Variants in EPHA3 observed in about 807,000 individuals in gnomAD.
The protein encoded by EPHA3 is EPH receptor A3.
EPHA3 carries 42 observed loss-of-function variants against 107.1 expected under a neutral mutation model. The ratio of observed to expected loss-of-function variants is 0.39; its 90% CI spans 0.31 to 0.51. EPHA3 has a LOEUF of 0.51. EPHA3 is among the 20% of genes least tolerant of loss of function. EPHA3 has a pLI of 0.78. For missense variants in EPHA3, 1,183 were observed against 1,211.2 expected (o/e 0.98, Z 0.35); for synonymous variants, 461 against 424.8 (o/e 1.09, Z -1.05).
At chr3:89,128,821 TAAAGAAG>T (rs1704143973) in intron 2 of EPHA3, among the ~76,000 whole-genome samples, 2 of 152,132 alleles carry the variant, frequency 1.3e-5, no homozygotes, top group African/African-American at 4.8e-5. Context: ...TGTTTTCCTT[TAAAGAAG>T]GTATAATGGT....
At chr3:89,304,449 C>A (rs993595063) in intron 3 of EPHA3, among the ~76,000 whole-genome samples, 1 of 151,860 alleles carries the variant, frequency 6.6e-6, no homozygotes, top group East Asian at 1.9e-4. Context: ...ACTCGTTACT[C>A]ACCCCATCAG....
Position 89,429,157 on chromosome 3 carries a change from G to A in EPHA3, c.2126G>A (p.Ser709Asn). The change falls in exon 12 of 17, where the codon AGT (serine) becomes AAT (asparagine). Residue 709 changes from serine (S) to asparagine (N), a missense_variant. By Grantham distance (46) the Ser-to-Asn change is conservative. Coordinates refer to ENST00000336596, the MANE Select transcript of EPHA3 (RefSeq NM_005233.6). ...TEYMENGSLDSFLRKHDAQFT... is the reference protein window; with the variant it reads ...TEYMENGSLDNFLRKHDAQFT... ...TACATGGAGAATGGTTCCTTGGATA[G>A]TTTCCTACGTGTAAGTAAGATGCAC... is the stretch of plus-strand genomic sequence containing the variant. 1 of 1,610,566 alleles carries A rather than the reference G, an allele frequency of 6.2e-7. No homozygotes were observed. Among genetic ancestry groups the A allele is most frequent in the Non-Finnish European group, 8.5e-7 (1 of 1,177,556 alleles).
intron 3 of EPHA3, among the ~76,000 whole-genome samples, chr3:89,219,781 T>C (rs886528701): frequency 3.2e-5 from 4 of 125,894 alleles, no homozygotes; most frequent in Non-Finnish European, 6.6e-5. Context: ...GGATCTCGGC[T>C]CACTGCAAGC....
intron 3 of EPHA3, among the ~76,000 whole-genome samples, chr3:89,336,100 G>C (rs1707386048): frequency 6.6e-6 from 1 of 151,958 alleles, no homozygotes; most frequent in African/African-American, 2.4e-5. Flanking sequence ...TCTCTAATAA[G>C]TTGACTGGGA....
chr3:89,178,042 A>G (rs562534720), intron 2 of EPHA3, among the ~76,000 whole-genome samples: 11 of 152,190 alleles, frequency 7.2e-5, no homozygotes, highest in Non-Finnish European at 1.5e-4. Context: ...AACTAAATTC[A>G]TATCTATTTG....
In EPHA3 at chr3:89,395,821, C is replaced by T. The variant is rs752150171; in HGVS notation, c.1307-16C>T. 1.9e-6 allele frequency: 3 copies of T among 1,612,796 alleles called. No homozygotes were observed. The highest frequency in any genetic ancestry group is 2.5e-6 in the Non-Finnish European group (3 of 1,179,358). On this transcript the variant is annotated splice_polypyrimidine_tract_variant and intron_variant, in intron 5 of 16. Coordinates refer to ENST00000336596, the MANE Select transcript of EPHA3 (RefSeq NM_005233.6). ...TTTGCTTCCTTCCACCTTCCCCTCCCATCCTCTCTTTACAGCTCCATCACC... is the reference window on the plus strand; with the variant it reads ...TTTGCTTCCTTCCACCTTCCCCTCCTATCCTCTCTTTACAGCTCCATCACC...
chr3:89,159,482 T>C (rs1288788475), intron 2 of EPHA3, among the ~76,000 whole-genome samples: 2 of 152,120 alleles, frequency 1.3e-5, no homozygotes, highest in African/African-American at 2.4e-5. Context: ...TATGGTCTCA[T>C]TGACACCACG....
chr3:89,137,923 C>G (rs1274797891), intron 2 of EPHA3, among the ~76,000 whole-genome samples: 1 of 151,816 alleles, frequency 6.6e-6, no homozygotes, highest in Non-Finnish European at 1.5e-5. Flanking sequence ...ATTCTGGGCC[C>G]CAATCATGAC....
intron 3 of EPHA3, among the ~76,000 whole-genome samples, chr3:89,222,414 CAT>C (rs1291923646): frequency 6.8e-6 from 1 of 147,352 alleles, no homozygotes; most frequent in Non-Finnish European, 1.5e-5. Flanking sequence ...TGTACACACA[CAT>C]GCATGTAAAT....
intron 3 of EPHA3, among the ~76,000 whole-genome samples, chr3:89,283,304 CAG>C (rs772301285): frequency 2.6e-5 from 4 of 151,966 alleles, no homozygotes; most frequent in Non-Finnish European, 5.9e-5. Context: ...CTTCCTGAAA[CAG>C]AGGAAAAACA....
At chr3:89,263,343 G>A (rs1705466203) in intron 3 of EPHA3, among the ~76,000 whole-genome samples, 1 of 152,066 alleles carries the variant, frequency 6.6e-6, no homozygotes, top group Non-Finnish European at 1.5e-5. Flanking sequence ...GCCTTTTTGC[G>A]TGAGGAGGCT....
At chr3:89,411,412 G>T (rs1709152206) in intron 9 of EPHA3, among the ~76,000 whole-genome samples, 1 of 151,800 alleles carries the variant, frequency 6.6e-6, no homozygotes, top group South Asian at 2.1e-4. Flanking sequence ...TCAGCACCAG[G>T]CAGAAGTAGG....
intron 2 of EPHA3, among the ~76,000 whole-genome samples, chr3:89,136,421 T>A (rs558957795): frequency 2.6e-4 from 34 of 130,194 alleles, no homozygotes; most frequent in African/African-American, 9.8e-4. Flanking sequence ...GTGCTAGAAA[T>A]CAGATAAGAT....
intron 2 of EPHA3, among the ~76,000 whole-genome samples, chr3:89,143,018 GA>G (rs1559750446): frequency 6.6e-6 from 1 of 150,720 alleles, no homozygotes; most frequent in Non-Finnish European, 1.5e-5. Context: ...TAATATGAAA[GA>G]ATCTAAATAT....
At chr3:89,119,811 T>G (rs1262792740) in intron 1 of EPHA3, among the ~76,000 whole-genome samples, 1 of 152,154 alleles carries the variant, frequency 6.6e-6, no homozygotes, top group Admixed American at 6.5e-5. Flanking sequence ...AGGATGTTTT[T>G]AAATTTAAAC....
At chr3:89,346,771 A>T (rs1707668042) in intron 5 of EPHA3, among the ~76,000 whole-genome samples, 1 of 146,392 alleles carries the variant, frequency 6.8e-6, no homozygotes, top group South Asian at 2.1e-4. Context: ...TAAGTCTTTA[A>T]TCCATCTTGA....
At chr3:89,392,322 C>G (rs776911658) in intron 5 of EPHA3, among the ~76,000 whole-genome samples, 1 of 151,982 alleles carries the variant, frequency 6.6e-6, no homozygotes, top group African/African-American at 2.4e-5. Context: ...ATCTGTAATC[C>G]CAGCTACTTG....
At chr3:89,353,294 G>A (rs1353426737) in intron 5 of EPHA3, among the ~76,000 whole-genome samples, 1 of 151,292 alleles carries the variant, frequency 6.6e-6, no homozygotes, top group Non-Finnish European at 1.5e-5. Flanking sequence ...CATGAAGGTA[G>A]ACATTTTTCA....
chr3:89,130,775 C>T (rs1415746695), intron 2 of EPHA3, among the ~76,000 whole-genome samples: 1 of 152,152 alleles, frequency 6.6e-6, no homozygotes, highest in Non-Finnish European at 1.5e-5. Context: ...GTTGGGACTA[C>T]AGGCGCCCGC....
Sources: allele counts gnomAD v4.1 joint callset (sites outside exome capture counted in the v4.1 genomes callset), GRCh38; gene constraint gnomAD v4.1.1; transcripts MANE v1.5; gene names NCBI Gene and HGNC (gene_info 2026-07-23, HGNC 2026-07-21).